Variants in SUMF1 observed in about 807,000 individuals in gnomAD.
SUMF1 encodes sulfatase modifying factor 1, also known as formylglycine-generating enzyme.
SUMF1 carries 48 observed loss-of-function variants against 47.6 expected under a neutral mutation model. The ratio of observed to expected loss-of-function variants is 1.01; its 90% CI spans 0.80 to 1.28. The LOEUF is 1.28. Among genes scored for constraint, SUMF1 ranks in the 50% most tolerant of loss-of-function variants. The pLI, the probability that SUMF1 is intolerant of heterozygous loss-of-function variation, is 0.00. For missense variants in SUMF1, 571 were observed against 485.4 expected, an observed-to-expected ratio of 1.18 and a Z score of -1.66; for synonymous variants, 230 against 192.1, an observed-to-expected ratio of 1.20 and a Z score of -1.63.
chr3:4,159,188 C>T (rs186249801), intron 8 of SUMF1, among the ~76,000 whole-genome samples: 26 of 150,676 alleles, frequency 1.7e-4, no homozygotes, highest in Non-Finnish European at 3.4e-4. Context: ...TGTTGTTATC[C>T]GTTTGCTGGT....
At chr3:4,321,408 A>G (rs1181517152) in intron 8 of SUMF1, among the ~76,000 whole-genome samples, 2 of 151,216 alleles carry the variant, frequency 1.3e-5, no homozygotes, top group African/African-American at 2.4e-5. Flanking sequence ...TTCTGCTACT[A>G]AAGAAGGAAA....
At chr3:4,086,770 C>G (rs1190447395) in intron 8 of SUMF1, among the ~76,000 whole-genome samples, 4 of 151,960 alleles carry the variant, frequency 2.6e-5, no homozygotes, top group Non-Finnish European at 5.9e-5. Context: ...GGGCGGTTTC[C>G]CCCATACTGT....
At chr3:4,036,311 A>G (rs1442248188) in intron 9 of SUMF1, among the ~76,000 whole-genome samples, 2 of 152,194 alleles carry the variant, frequency 1.3e-5, no homozygotes, top group African/African-American at 4.8e-5. Flanking sequence ...TAGCTCATTT[A>G]GAGCTCCTAT....
At chr3:4,290,263 A>G (rs1697713576) in intron 8 of SUMF1, among the ~76,000 whole-genome samples, 1 of 152,216 alleles carries the variant, frequency 6.6e-6, no homozygotes, top group African/African-American at 2.4e-5. Context: ...TTGAACATAA[A>G]TTTCTCTTAG....
chr3:4,364,134 T>A (rs1348452678), intron 8 of SUMF1, among the ~76,000 whole-genome samples: 8 of 141,498 alleles, frequency 5.7e-5, no homozygotes, highest in African/African-American at 2.0e-4. Context: ...GCCAGTATTT[T>A]ATTGAGGATT....
At chr3:4,376,644 C>A (rs1349119308) in intron 7 of SUMF1, among the ~76,000 whole-genome samples, 1 of 152,220 alleles carries the variant, frequency 6.6e-6, no homozygotes, top group African/African-American at 2.4e-5. Flanking sequence ...GGAAGCAATC[C>A]TGTCTCTAAG....
intron 3 of SUMF1, among the ~76,000 whole-genome samples, chr3:4,445,053 T>C (rs1177614973): frequency 1.3e-5 from 2 of 152,188 alleles, no homozygotes; most frequent in East Asian, 1.9e-4. Context: ...TGACCACAAA[T>C]GGGCATGTGG....
chr3:4,188,179 C>CTT lies in SUMF1; in HGVS notation c.1015-119436_1015-119435dup, dbSNP rs112944580. ...AGTCCATAGTTTACATTAGGGTTCA[C>CTT]TTTTTTTTTTTTTTGAGACAGAGTC... On this transcript the variant is annotated intron_variant and NMD_transcript_variant, in intron 8 of 12. Transcript: ENST00000448413. Among the ~76,000 whole-genome samples, 213 of 144,556 alleles carry CTT rather than the reference C, an allele frequency of 1.5e-3. 1 individual carries two copies. Among genetic ancestry groups the CTT allele is most frequent in the Admixed American group, 0.011 (159 of 14,464 alleles). The allele number at this position is 144,556 out of a possible 152,430, so 94.8% of individuals were successfully genotyped here. A position where few individuals can be genotyped will look rare whatever the true frequency, so the allele number is the denominator to read the frequency against.
At chr3:4,284,877 T>C (rs1194810372) in intron 8 of SUMF1, among the ~76,000 whole-genome samples, 4 of 152,224 alleles carry the variant, frequency 2.6e-5, no homozygotes, top group Non-Finnish European at 5.9e-5. Context: ...ACTGAATATC[T>C]TAGTAATCAA....
intron 8 of SUMF1, among the ~76,000 whole-genome samples, chr3:4,158,225 G>A (rs1694497324): frequency 6.6e-6 from 1 of 151,632 alleles, no homozygotes; most frequent in East Asian, 1.9e-4. Flanking sequence ...AGTTACAATG[G>A]AGATATAAAC....
chr3:4,382,475 G>A (rs1314272272), intron 7 of SUMF1, among the ~76,000 whole-genome samples: 4 of 152,002 alleles, frequency 2.6e-5, no homozygotes, highest in Non-Finnish European at 5.9e-5. Context: ...CAAAACCCAG[G>A]CCATGGGAAA....
intron 8 of SUMF1, among the ~76,000 whole-genome samples, chr3:4,117,472 T>A (rs17039950): frequency 1.3e-5 from 2 of 152,068 alleles, no homozygotes; most frequent in Non-Finnish European, 2.9e-5. Flanking sequence ...TTCTTCCTTA[T>A]CTTTTCTGGA....
chr3:4,066,530 T>C (rs1695379581), intron 9 of SUMF1, among the ~76,000 whole-genome samples: 1 of 152,096 alleles, frequency 6.6e-6, no homozygotes, highest in Non-Finnish European at 1.5e-5. Flanking sequence ...CCCTCAGGCT[T>C]CCCAGATAGT....
At chr3:4,272,583 C>T (rs890161045) in intron 8 of SUMF1, among the ~76,000 whole-genome samples, 1 of 152,108 alleles carries the variant, frequency 6.6e-6, no homozygotes. Context: ...CCTTTCAGAC[C>T]TGAGGGAGAA....
chr3:4,418,170 A>G (rs557672049), intron 4 of SUMF1, 38 bp from the exon 5 acceptor site: 28 of 1,613,410 alleles, frequency 1.7e-5, no homozygotes, highest in Non-Finnish European at 2.2e-5. Flanking sequence ...AGTGACACCA[A>G]TCAGAACAAG....
intron 3 of SUMF1, among the ~76,000 whole-genome samples, chr3:4,426,950 C>T (rs556664087): frequency 7.2e-5 from 11 of 152,306 alleles, no homozygotes; most frequent in East Asian, 3.9e-4. Context: ...ATAGGACCCA[C>T]GTGAGTTTTG....
intron 7 of SUMF1, among the ~76,000 whole-genome samples, chr3:4,397,411 C>G (rs1009074224): frequency 6.6e-6 from 1 of 152,172 alleles, no homozygotes; most frequent in East Asian, 1.9e-4. Flanking sequence ...CTAAGTATTA[C>G]TTGAAGTGAG....
intron 8 of SUMF1, among the ~76,000 whole-genome samples, chr3:4,340,758 C>G (rs186869534): frequency 6.6e-6 from 1 of 152,316 alleles, no homozygotes; most frequent in African/African-American, 2.4e-5. Context: ...AAGAATGACT[C>G]TGCAGTTTCT....
chr3:4,267,836 CA>C (rs1339941827), intron 8 of SUMF1, among the ~76,000 whole-genome samples: 7 of 149,004 alleles, frequency 4.7e-5, no homozygotes, highest in African/African-American at 1.7e-4. Flanking sequence ...GGCGATTCCT[CA>C]GGGATCTAGA....
Sources: gnomAD v4.1 joint callset for allele counts (sites outside exome capture counted in the v4.1 genomes callset) on GRCh38, gnomAD v4.1.1 for gene constraint, MANE v1.5 for transcripts, NCBI Gene and HGNC (gene_info 2026-07-23, HGNC 2026-07-21) for gene names.